Variants in AFG2B observed in about 807,000 individuals in gnomAD.
AFG2B encodes ATPase family gene 2 protein homolog B.
the AFG2B span, chr15:45,403,602 C>T: frequency 1.9e-6 from 3 of 1,544,860 alleles, no homozygotes; most frequent in South Asian, 2.4e-5. Context: ...AGGCGTTTGC[C>T]TCTTAGGTTT....
the AFG2B span, among the ~76,000 whole-genome samples, chr15:45,413,277 T>C: frequency 6.6e-6 from 1 of 152,166 alleles, no homozygotes. Context: ...GTCCACAGCA[T>C]CCCTGAAAAC....
chr15:45,413,393 G>A, the AFG2B span, among the ~76,000 whole-genome samples: 2 of 152,284 alleles, frequency 1.3e-5, no homozygotes, highest in African/African-American at 4.8e-5. Flanking sequence ...AACTCAGCAT[G>A]TAAAAAGTTC....
chr15:45,404,807 C>G, the AFG2B span, among the ~76,000 whole-genome samples: 1 of 93,952 alleles, frequency 1.1e-5, no homozygotes, highest in Non-Finnish European at 2.5e-5. Context: ...AACTGTGTCT[C>G]AAAAAAAAAA....
chr15:45,410,077 A>G, the AFG2B span, among the ~76,000 whole-genome samples: 1 of 152,246 alleles, frequency 6.6e-6, no homozygotes, highest in Admixed American at 6.5e-5. Flanking sequence ...GAAGAAAAGT[A>G]CAGGCTGATA....
At chr15:45,418,456 G>A in the AFG2B span, 18 of 1,190,138 alleles carry the variant, frequency 1.5e-5, no homozygotes, top group Admixed American at 5.4e-5. Flanking sequence ...ATATTTTCTC[G>A]GTAATGTGAA....
chr15:45,407,928 G>A, the AFG2B span, among the ~76,000 whole-genome samples: 9 of 152,176 alleles, frequency 5.9e-5, no homozygotes, highest in African/African-American at 2.2e-4. Flanking sequence ...GAGTGAAGAC[G>A]ACTTCTCTAG....
the AFG2B span, among the ~76,000 whole-genome samples, chr15:45,407,508 C>T: frequency 3.9e-5 from 6 of 152,164 alleles, no homozygotes; most frequent in Non-Finnish European, 5.9e-5. Context: ...AATATTTGGA[C>T]ATCAGACACC....
the AFG2B span, chr15:45,418,439 C>T: frequency 1.0e-6 from 1 of 973,464 alleles, no homozygotes; most frequent in Non-Finnish European, 1.5e-6. Flanking sequence ...CTTTCTAACC[C>T]CTATATATAT....
chr15:45,415,160 C>T, the AFG2B span, among the ~76,000 whole-genome samples: 4 of 151,968 alleles, frequency 2.6e-5, no homozygotes, highest in Non-Finnish European at 4.4e-5. Flanking sequence ...ACTCATTCCC[C>T]AATTCATAGA....
chr15:45,419,366 A>G, the AFG2B span, among the ~76,000 whole-genome samples: 2 of 151,544 alleles, frequency 1.3e-5, no homozygotes, highest in Admixed American at 1.3e-4. Flanking sequence ...GGAGGGGGAG[A>G]TGGGAGGATT....
At chr15:45,417,476 C>T in the AFG2B span, 2 of 1,488,482 alleles carry the variant, frequency 1.3e-6, no homozygotes, top group Non-Finnish European at 1.8e-6. Context: ...CCATGGTGTT[C>T]TACTTACCCT....
the AFG2B span, chr15:45,417,834 G>A: frequency 6.5e-6 from 1 of 154,146 alleles, no homozygotes; most frequent in South Asian, 2.0e-4. Flanking sequence ...ATTATGCAGT[G>A]TATCATGGTC....
the AFG2B span, chr15:45,410,414 G>C: frequency 1.2e-6 from 2 of 1,613,836 alleles, no homozygotes; most frequent in Non-Finnish European, 1.7e-6. Context: ...CTTCCTTGAA[G>C]CTTTTAAAAA....
the AFG2B span, among the ~76,000 whole-genome samples, chr15:45,411,925 C>T: frequency 3.3e-4 from 49 of 150,742 alleles, no homozygotes; most frequent in African/African-American, 1.2e-3. Flanking sequence ...GGAGAAACCC[C>T]ATTTCTACTA....
chr15:45,417,767 G>A, the AFG2B span: 1 of 162,798 alleles, frequency 6.1e-6, no homozygotes, highest in South Asian at 1.8e-4. Context: ...GTGTATCGTG[G>A]TCAACCAGTA....
the AFG2B span, chr15:45,421,283 T>G: frequency 9.5e-7 from 1 of 1,048,414 alleles, no homozygotes; most frequent in Non-Finnish European, 1.3e-6. Context: ...AACTTCACAC[T>G]TTTAGAATTT....
the AFG2B span, among the ~76,000 whole-genome samples, chr15:45,404,372 G>A: frequency 6.6e-6 from 1 of 152,060 alleles, no homozygotes; most frequent in Non-Finnish European, 1.5e-5. Flanking sequence ...AATTTTCATT[G>A]TGCAACTTTC....
At chr15:45,420,967 G>A in the AFG2B span, 1 of 1,475,976 alleles carries the variant, frequency 6.8e-7, no homozygotes, top group Admixed American at 2.2e-5. Flanking sequence ...ACTCCAGCCT[G>A]GGCAATAAGA....
chr15:45,402,983 G>C, the AFG2B span: 1 of 1,592,916 alleles, frequency 6.3e-7, no homozygotes, highest in Non-Finnish European at 8.5e-7. Context: ...ACCCGCGTCA[G>C]CCTTGGCGGG....
Sources: gnomAD v4.1 joint callset for allele counts (sites outside exome capture counted in the v4.1 genomes callset) on GRCh38, gnomAD v4.1.1 for gene constraint, MANE v1.5 for transcripts, NCBI Gene and HGNC (gene_info 2026-07-23, HGNC 2026-07-21) for gene names.